The following PLAA variants were observed in gnomAD, a reference collection of about 807,000 sequenced individuals.
The protein encoded by PLAA is phospholipase A2 activating protein.
A neutral mutation model predicts 84.1 loss-of-function variants in PLAA; 48 were observed. The observed-to-expected ratio is 0.57, with a 90% confidence interval of 0.45 to 0.73. The LOEUF (loss-of-function observed/expected upper bound fraction) is 0.73, where lower values mean the gene tolerates loss of function less well. Among genes scored for constraint, PLAA ranks in the 30% least tolerant of loss-of-function variants. PLAA has a pLI of 0.00. For missense variants in PLAA, 903 were observed against 954.7 expected (o/e 0.95, Z 0.71); for synonymous variants, 392 against 336.6 (o/e 1.16, Z -1.80).
chr9:26,943,464 A>G (rs1236717470), intron 1 of PLAA, among the ~76,000 whole-genome samples: 1 of 152,208 alleles, frequency 6.6e-6, no homozygotes, highest in African/African-American at 2.4e-5. Flanking sequence ...CATTTGCATC[A>G]GAGGTAGACA....
intron 6 of PLAA, 66 bp downstream of exon 6, chr9:26,925,757 CTG>C: frequency 7.1e-7 from 1 of 1,412,944 alleles, no homozygotes; most frequent in East Asian, 2.3e-5. Context: ...TGGCTTATCT[CTG>C]TACACTCTAG....
At position 26,928,365 on chromosome 9, in the gene PLAA, A is replaced by G. The variant is rs772245433; in HGVS notation, c.387T>C (p.Gly129=). The change falls in exon 3 of 14, where the codon GGT becomes GGC. Residue 129 remains glycine, a synonymous_variant. Transcript: ENST00000397292. The part of the protein sequence containing the change: ...SSGKFGTLLS[G]SWDTTAKVWL... ...AGACTTTAGCAGTGGTGTCCCATGA[A>G]CCACTAAGTAATGTCCCAAATTTTC... is the stretch of plus-strand genomic sequence containing the variant. The G allele has an allele frequency of 1.2e-6, 2 of 1,614,160 alleles. No individual in the cohort carries two copies. The highest frequency in any genetic ancestry group is 3.3e-5 in the Admixed American group (2 of 60,028).
intron 1 of PLAA, among the ~76,000 whole-genome samples, chr9:26,941,860 GAATT>G (rs1388455095): frequency 6.6e-6 from 1 of 151,482 alleles, no homozygotes; most frequent in African/African-American, 2.4e-5. Context: ...AGCAGCCAAA[GAATT>G]AATTGAAGAA....
At chr9:26,911,647 T>C (rs889417645) in intron 11 of PLAA, among the ~76,000 whole-genome samples, 19 of 152,172 alleles carry the variant, frequency 1.2e-4, no homozygotes, top group African/African-American at 4.6e-4. Flanking sequence ...TAACAGAAAC[T>C]CAGTATCTGA....
Position 26,926,432 on chromosome 9 carries a change from T to C in PLAA, c.694A>G (p.Asn232Asp), listed in dbSNP as rs772467006. 6.2e-7 allele frequency: 1 copy of C among 1,609,086 alleles called. No individual in the cohort carries two copies. Residue 232 changes from asparagine (N) to aspartate (D), a missense_variant, in exon 5 of 14, where the codon AAT becomes GAT. Coordinates refer to ENST00000397292, the MANE Select transcript of PLAA (RefSeq NM_001031689.3). ...ECLEVYYGHT[N>D]YIYSISVFPN... Reference sequence around the variant, plus strand: ...AAAACGGATATGCTATAAATATAATTTGTATGTCCATAATATACTTCAAGA... The same window carrying C: ...AAAACGGATATGCTATAAATATAATCTGTATGTCCATAATATACTTCAAGA...
chr9:26,919,645 C>T (rs920174516), intron 8 of PLAA, 116 bp from the exon 9 acceptor site: 4 of 643,768 alleles, frequency 6.2e-6, no homozygotes, highest in Non-Finnish European at 1.1e-5. Flanking sequence ...AAACTTTCTC[C>T]AAAGTGCAGT....
intron 2 of PLAA, among the ~76,000 whole-genome samples, chr9:26,929,221 G>C (rs1423922201): frequency 6.6e-6 from 1 of 151,828 alleles, no homozygotes; most frequent in East Asian, 1.9e-4. Flanking sequence ...AGAAAGAAAA[G>C]AAAAATTAGC....
At chr9:26,931,362 C>T (rs1488022310) in intron 2 of PLAA, among the ~76,000 whole-genome samples, 16 of 151,984 alleles carry the variant, frequency 1.1e-4, no homozygotes, top group Non-Finnish European at 2.9e-5. Context: ...ATTTTGTAAA[C>T]CTTAATAAAA....
chr9:26,928,070 T>C, intron 4 of PLAA, 30 bp downstream of exon 4: 2 of 1,574,466 alleles, frequency 1.3e-6, no homozygotes, highest in South Asian at 1.2e-5. Context: ...AAAGCAATGA[T>C]ATTATAAAAC....
chr9:26,926,168 C>T (rs1478874035), intron 5 of PLAA, among the ~76,000 whole-genome samples: 1 of 152,054 alleles, frequency 6.6e-6, no homozygotes, highest in African/African-American at 2.4e-5. Context: ...TCTTCAGATA[C>T]CCAAGAACTT....
At chr9:26,912,750 AAAC>A (rs1824436827) in intron 11 of PLAA, among the ~76,000 whole-genome samples, 1 of 152,220 alleles carries the variant, frequency 6.6e-6, no homozygotes, top group African/African-American at 2.4e-5. Flanking sequence ...CAAATGAGAA[AAAC>A]AAAAGCACAG....
chr9:26,906,094 T>G lies in PLAA; in HGVS notation c.1823-18A>C. On this transcript the variant is annotated intron_variant, in intron 13 of 13. Transcript: ENST00000397292. ...GACAATATCTATTAAAAAAAAAAAGTCATTAATGCTTATGAAAATAAAGAA... is the reference window on the plus strand; with the variant it reads ...GACAATATCTATTAAAAAAAAAAAGGCATTAATGCTTATGAAAATAAAGAA... 1 of 1,322,810 alleles carries G rather than the reference T, an allele frequency of 7.6e-7. No homozygotes were observed. The highest frequency in any genetic ancestry group is 2.6e-5 in the Admixed American group (1 of 38,676). The allele number at this position is 1,322,810 out of a possible 1,614,324, so 81.9% of individuals were successfully genotyped here.
intron 10 of PLAA, chr9:26,916,600 C>T (rs1824568908): frequency 1.0e-6 from 1 of 988,576 alleles, no homozygotes. Flanking sequence ...TTGTACTGCT[C>T]CATCCAATAT....
chr9:26,915,019 C>T (rs1824505667), intron 10 of PLAA, among the ~76,000 whole-genome samples: 1 of 151,896 alleles, frequency 6.6e-6, no homozygotes, highest in Non-Finnish European at 1.5e-5. Context: ...TCGAGACCAG[C>T]CTGACCAACA....
rs1420743377 is a variant in PLAA, at chr9:26,905,665, A to T, written c.2234T>A (p.Leu745His). Residue 745 changes from leucine (L) to histidine (H), a missense_variant, in exon 14 of 14, where the codon CTT (leucine) becomes CAT (histidine). Coordinates refer to ENST00000397292, the MANE Select transcript of PLAA (RefSeq NM_001031689.3). ...VVQDLEATFRLLVALGTLISD... is the reference protein window; with the variant it reads ...VVQDLEATFRHLVALGTLISD... ...GATAAGTGTTCCAAGAGCCACAAGA[A>T]GTCTAAAAGTGGCTTCTAGGTCTTG... is the stretch of plus-strand genomic sequence containing the variant. 1 of 1,614,114 alleles carries T rather than the reference A, an allele frequency of 6.2e-7. No individual in the cohort carries two copies. The highest frequency in any genetic ancestry group is 8.5e-7 in the Non-Finnish European group (1 of 1,180,034).
chr9:26,904,347 G>A lies in PLAA; in HGVS notation c.*1164C>T, dbSNP rs1055498905. On this transcript the variant is annotated 3_prime_UTR_variant, in exon 14 of 14. Transcript: ENST00000397292. ...CTTTCCCACTTTTGAAAATAGTTACGCTTCTCTCAAGAAACTGGGTTACCT... is the reference window on the plus strand; with the variant it reads ...CTTTCCCACTTTTGAAAATAGTTACACTTCTCTCAAGAAACTGGGTTACCT... The A allele has an allele frequency of 2.0e-5, 3 of 152,038 alleles. No individual in the cohort carries two copies. The highest frequency in any genetic ancestry group is 4.4e-5 in the Non-Finnish European group (3 of 67,964). The allele number at this position is 152,038 out of a possible 1,614,324, so 9.4% of individuals were successfully genotyped here.
chr9:26,929,464 A>C (rs1825097973), intron 2 of PLAA, among the ~76,000 whole-genome samples: 1 of 152,000 alleles, frequency 6.6e-6, no homozygotes, highest in Non-Finnish European at 1.5e-5. Flanking sequence ...AGAAAGTGAG[A>C]CCCTCTCTCA....
At chr9:26,925,722 T>G in intron 6 of PLAA, 103 bp downstream of exon 6, 1 of 943,786 alleles carries the variant, frequency 1.1e-6, no homozygotes, top group South Asian at 1.6e-5. Context: ...CCATATAGTC[T>G]CCTCAAGTCA....
intron 13 of PLAA, among the ~76,000 whole-genome samples, chr9:26,907,232 T>A (rs375476097): frequency 2.0e-4 from 31 of 151,874 alleles, no homozygotes; most frequent in African/African-American, 6.3e-4. Flanking sequence ...CCACAAATGC[T>A]CTGAAACAGT....
Sources: allele counts gnomAD v4.1 joint callset (sites outside exome capture counted in the v4.1 genomes callset), GRCh38; gene constraint gnomAD v4.1.1; transcripts MANE v1.5; gene names NCBI Gene and HGNC (gene_info 2026-07-23, HGNC 2026-07-21).